The following NEURL1 variants were observed in gnomAD, a reference collection of about 807,000 sequenced individuals.
The protein encoded by NEURL1 is E3 ubiquitin-protein ligase NEURL1.
A neutral mutation model predicts 41.2 loss-of-function variants in NEURL1; 26 were observed. The ratio of observed to expected loss-of-function variants is 0.63; its 90% CI spans 0.46 to 0.87. NEURL1 has a LOEUF of 0.87. Ranked by LOEUF, NEURL1 falls within the 40% of genes least tolerant of loss-of-function variation. NEURL1 has a pLI of 0.00. For missense variants in NEURL1, 761 were observed against 871.1 expected, an observed-to-expected ratio of 0.87 and a Z score of 1.59; for synonymous variants, 400 against 402.3, an observed-to-expected ratio of 0.99 and a Z score of 0.07.
chr10:103,538,651 C>CTT (rs200837090), intron 1 of NEURL1, among the ~76,000 whole-genome samples: 7 of 142,830 alleles, frequency 4.9e-5, no homozygotes, highest in African/African-American at 1.3e-4. Flanking sequence ...TTCTTTCTTC[C>CTT]TTTTTTTTTT....
chr10:103,589,581 G>T lies in NEURL1; in HGVS notation c.1407G>T (p.Ser469=), dbSNP rs764737440. The T allele has an allele frequency of 1.9e-6, 3 of 1,613,656 alleles. No homozygotes were observed. The South Asian group carries it at 3.3e-5, about 18-fold the overall frequency. ...LPCSPASTPT[S]PSALGSRLSD... Reference sequence around the variant, plus strand: ...GCTCCCCTGCCTCCACGCCAACCTCGCCCAGTGCCCTGGGCAGCCGCCTGT... The same window carrying T: ...GCTCCCCTGCCTCCACGCCAACCTCTCCCAGTGCCCTGGGCAGCCGCCTGT... Residue 469 remains serine, a synonymous_variant, in exon 5 of 6, where the codon TCG becomes TCT. Transcript: ENST00000369780.
chr10:103,498,814 C>T (rs1209745130), intron 1 of NEURL1, among the ~76,000 whole-genome samples: 5 of 152,280 alleles, frequency 3.3e-5, no homozygotes, highest in Middle Eastern at 3.4e-3. Flanking sequence ...TTGTGTCAAG[C>T]GTCTTTTACT....
intron 1 of NEURL1, among the ~76,000 whole-genome samples, chr10:103,504,151 G>A (rs1357057111): frequency 6.6e-6 from 1 of 151,622 alleles, no homozygotes; most frequent in Non-Finnish European, 1.5e-5. Context: ...ACACCACCAC[G>A]CCCGGCTAAT....
rs953849101 is a variant in NEURL1 at position 103,584,751 on chromosome 10, C to A, written c.865C>A (p.Gln289Lys). Residue 289 changes from glutamine to lysine, a missense_variant, in exon 4 of 6, where the codon CAG becomes AAG. This residue lies in a region of NEURL1 where 443 missense variants were observed against 408.1 expected (regional missense o/e 1.09). Coordinates refer to ENST00000369780, the MANE Select transcript of NEURL1 (RefSeq NM_004210.5). ...GCAGCACAGCCGCGCGCTGCCGGCG[C>A]AGCTCGACGGCGACCTGCGTTTCCA... ...NSQHSRALPAQLDGDLRFHAL... is the reference protein window; with the variant it reads ...NSQHSRALPAKLDGDLRFHAL... 7.5e-6 allele frequency: 11 copies of A among 1,460,338 alleles called. No homozygotes were observed. In the African/African-American group the frequency reaches 1.5e-4, roughly 20 times the overall value. 90.5% of individuals were successfully genotyped at this position (1,460,338 alleles called of 1,614,324 possible). A position where few individuals can be genotyped will look rare whatever the true frequency, so the allele number is the denominator to read the frequency against.
At chr10:103,505,473 C>T (rs2033925980) in intron 1 of NEURL1, among the ~76,000 whole-genome samples, 3 of 152,192 alleles carry the variant, frequency 2.0e-5, no homozygotes, top group Admixed American at 1.3e-4. Context: ...GATCTGTCCA[C>T]CTTGGCCTCC....
rs371148709 is a variant in NEURL1, at chr10:103,570,185, A to G, written c.86-687A>G. On this transcript the variant is annotated intron_variant, in intron 1 of 5. Coordinates refer to ENST00000369780, the MANE Select transcript of NEURL1 (RefSeq NM_004210.5). ...CCATTCTTCACGGTTCTGTTTCCCC[A>G]CGATGACAGGATGGGCGGGCTCTAC... Among the ~76,000 whole-genome samples, 39 of 152,230 alleles carry G rather than the reference A, an allele frequency of 2.6e-4. 1 individual carries two copies. The East Asian group carries it at 7.0e-3, about 27-fold the overall frequency.
chr10:103,565,794 G>A (rs1229678508), intron 1 of NEURL1, among the ~76,000 whole-genome samples: 1 of 152,126 alleles, frequency 6.6e-6, no homozygotes, highest in Non-Finnish European at 1.5e-5. Flanking sequence ...GGGACTGCAG[G>A]TGTACACCAC....
At chr10:103,542,042 A>T (rs1368556771) in intron 1 of NEURL1, among the ~76,000 whole-genome samples, 1 of 152,150 alleles carries the variant, frequency 6.6e-6, no homozygotes. Flanking sequence ...GTTCCAGCAC[A>T]TTTCCCACTG....
intron 1 of NEURL1, among the ~76,000 whole-genome samples, chr10:103,522,049 G>T (rs755197651): frequency 1.3e-5 from 2 of 152,126 alleles, no homozygotes; most frequent in Admixed American, 1.3e-4. Context: ...GGTGCTCAGT[G>T]GGGGAGCTTC....
chr10:103,533,760 T>G (rs12268602), intron 1 of NEURL1, among the ~76,000 whole-genome samples: 19,202 of 152,148 alleles, frequency 0.13, 1,550 homozygotes, highest in African/African-American at 0.2. Flanking sequence ...ATGGTCTCGA[T>G]CTGCTGACCT....
intron 1 of NEURL1, among the ~76,000 whole-genome samples, chr10:103,526,096 T>C (rs1032106768): frequency 6.6e-6 from 1 of 152,362 alleles, no homozygotes; most frequent in East Asian, 1.9e-4. Context: ...TGCTTGATCA[T>C]GGTGAATCAT....
At chr10:103,564,069 G>T (rs534275398) in intron 1 of NEURL1, among the ~76,000 whole-genome samples, 1 of 152,332 alleles carries the variant, frequency 6.6e-6, no homozygotes, top group East Asian at 1.9e-4. Flanking sequence ...TCTGCCAGTG[G>T]TTCTGGGGCA....
intron 1 of NEURL1, among the ~76,000 whole-genome samples, chr10:103,549,345 C>T (rs1281881796): frequency 1.3e-5 from 2 of 152,226 alleles, no homozygotes; most frequent in East Asian, 1.9e-4. Flanking sequence ...TCCCAACCCC[C>T]GAGGACGCCC....
At chr10:103,552,355 C>T (rs2035048700) in intron 1 of NEURL1, among the ~76,000 whole-genome samples, 1 of 152,174 alleles carries the variant, frequency 6.6e-6, no homozygotes, top group Non-Finnish European at 1.5e-5. Context: ...GGCAATGGAG[C>T]GTTTCCTGAG....
chr10:103,525,569 G>A (rs2034443504), intron 1 of NEURL1, among the ~76,000 whole-genome samples: 1 of 151,992 alleles, frequency 6.6e-6, no homozygotes, highest in African/African-American at 2.4e-5. Context: ...GGCCAGGCTG[G>A]TCTCCAACTC....
chr10:103,584,329 G>C (rs2035849295), intron 3 of NEURL1, among the ~76,000 whole-genome samples: 1 of 152,232 alleles, frequency 6.6e-6, no homozygotes, highest in Non-Finnish European at 1.5e-5. Flanking sequence ...TTCAGTTTCG[G>C]TGCTTCCCCC....
At chr10:103,577,366 G>A (rs1447878160) in intron 3 of NEURL1, among the ~76,000 whole-genome samples, 4 of 152,158 alleles carry the variant, frequency 2.6e-5, no homozygotes, top group African/African-American at 9.7e-5. Flanking sequence ...GGTATAAGCA[G>A]CTTTGAGTCA....
chr10:103,536,701 C>G (rs905204003), intron 1 of NEURL1, among the ~76,000 whole-genome samples: 1 of 152,148 alleles, frequency 6.6e-6, no homozygotes, highest in African/African-American at 2.4e-5. Flanking sequence ...TTTAGGGCAT[C>G]TTTCCAAAGC....
intron 1 of NEURL1, among the ~76,000 whole-genome samples, chr10:103,551,551 G>A (rs575950580): frequency 1.2e-4 from 19 of 152,234 alleles, no homozygotes; most frequent in African/African-American, 2.6e-4. Flanking sequence ...TGATCCACCC[G>A]TCTCAGCCTC....
Sources: allele counts gnomAD v4.1 joint callset (sites outside exome capture counted in the v4.1 genomes callset), GRCh38; gene constraint gnomAD v4.1.1; regional missense constraint gnomAD v4.1.1; transcripts MANE v1.5; gene names NCBI Gene and HGNC (gene_info 2026-07-23, HGNC 2026-07-21).